RPE: variants seen among roughly 807,000 people sequenced by gnomAD.
RPE encodes ribulose-phosphate 3-epimerase.
In RPE, 16 loss-of-function variants were observed where a neutral mutation model predicts 24.6. The ratio of observed to expected loss-of-function variants is 0.65; its 90% confidence interval spans 0.44 to 0.99. The LOEUF is 0.99. RPE is among the 50% of genes least tolerant of loss of function. The probability of loss-of-function intolerance (pLI) is 0.00; values close to 1 mark genes in which losing one functional copy is unlikely to be tolerated. For missense variants in RPE, 240 were observed against 294.5 expected (o/e 0.81, Z 1.35); for synonymous variants, 93 against 98.4 (o/e 0.94, Z 0.33).
chr2:210,008,292 G>GTTTGT (rs1559475990), intron 1 of RPE, among the ~76,000 whole-genome samples: 1 of 128,888 alleles, frequency 7.8e-6, no homozygotes, highest in African/African-American at 3.0e-5. Flanking sequence ...GTTTGTTTTT[G>GTTTGT]TTTTTTTTTT....
Position 210,008,444 on chromosome 2 carries a change from C to T in RPE, c.123-1213C>T, listed in dbSNP as rs569394249. On this transcript the variant is annotated intron_variant, in intron 1 of 5. Coordinates refer to ENST00000359429, the MANE Select transcript of RPE (RefSeq NM_199229.3). ...CTGAGTATCTGGGATTATAGACGCA[C>T]GCCACCACACCCAGCTAATTTTTAT... 7.9e-4 allele frequency among the ~76,000 whole-genome samples: 120 copies of T among 151,292 alleles called. No individual in the cohort carries two copies. The South Asian group carries it at 0.023, about 30-fold the overall frequency.
intron 1 of RPE, 148 bp from the exon 2 acceptor site, chr2:210,009,509 A>T: frequency 9.6e-7 from 1 of 1,045,086 alleles, no homozygotes; most frequent in Non-Finnish European, 1.4e-6. Context: ...ATGACCCATT[A>T]TTTTTAGTAT....
intron 1 of RPE, among the ~76,000 whole-genome samples, chr2:210,008,896 ATGT>A (rs2093666022): frequency 6.6e-6 from 1 of 151,992 alleles, no homozygotes; most frequent in Non-Finnish European, 1.5e-5. Flanking sequence ...GGGTTTCACT[ATGT>A]TGGCCAGGCT....
rs1456812421 is a variant in RPE at position 210,019,930 on chromosome 2, T to C, written c.*139T>C. 5 of 1,159,256 alleles carry C rather than the reference T, an allele frequency of 4.3e-6. No homozygotes were observed. Among genetic ancestry groups the C allele is most frequent in the African/African-American group, 3.1e-5 (2 of 63,832 alleles). The allele number at this position is 1,159,256 out of a possible 1,614,324, so 71.8% of individuals were successfully genotyped here. On this transcript the variant is annotated 3_prime_UTR_variant, in exon 6 of 6. Transcript: ENST00000359429. ...ATTCATTCCAGTGATTAAAACTGAT[T>C]GTGCAGAATATTCTAAGAGGTCAGA...
At chr2:210,003,626 T>C (rs959923099) in intron 1 of RPE, among the ~76,000 whole-genome samples, 3 of 152,154 alleles carry the variant, frequency 2.0e-5, no homozygotes, top group Non-Finnish European at 4.4e-5. Context: ...GCAACTTGGC[T>C]CTTCCTAGGT....
chr2:210,018,351 T>G, intron 5 of RPE: 1 of 1,402,706 alleles, frequency 7.1e-7, no homozygotes, highest in East Asian at 2.7e-5. Context: ...AATCTAGGCC[T>G]GATACCTCTT....
chr2:210,009,578 C>G (rs2093674448), intron 1 of RPE, 79 bp from the exon 2 acceptor site: 1 of 1,547,832 alleles, frequency 6.5e-7, no homozygotes, highest in South Asian at 1.1e-5. Context: ...TCCCCTCAAC[C>G]TGTGTCAGAA....
chr2:210,006,420 A>G (rs1241813227), intron 1 of RPE, among the ~76,000 whole-genome samples: 2 of 152,130 alleles, frequency 1.3e-5, no homozygotes, highest in Admixed American at 1.3e-4. Flanking sequence ...TTTTGAGACT[A>G]CTGATGCATT....
At chr2:210,018,406 T>A in intron 5 of RPE, 4 of 985,142 alleles carry the variant, frequency 4.1e-6, no homozygotes, top group Non-Finnish European at 3.6e-6. Context: ...CTTTTTTTTT[T>A]TTTTCAGATA....
At chr2:210,010,716 A>G (rs960106313) in intron 2 of RPE, among the ~76,000 whole-genome samples, 1 of 152,198 alleles carries the variant, frequency 6.6e-6, no homozygotes, top group Admixed American at 6.5e-5. Flanking sequence ...ACTTAAGTTC[A>G]TGACCAGAAT....
At chr2:210,019,309 T>C (rs2093824546) in intron 5 of RPE, among the ~76,000 whole-genome samples, 1 of 152,222 alleles carries the variant, frequency 6.6e-6, no homozygotes, top group Non-Finnish European at 1.5e-5. Flanking sequence ...TAAAAGTGTT[T>C]TTTTAGTAAC....
chr2:210,004,601 A>G (rs1202691502), intron 1 of RPE, among the ~76,000 whole-genome samples: 1 of 152,202 alleles, frequency 6.6e-6, no homozygotes. Context: ...TTGTGTATTT[A>G]TTTCTGTTAA....
intron 2 of RPE, among the ~76,000 whole-genome samples, chr2:210,010,974 A>G (rs1456881506): frequency 6.6e-6 from 1 of 152,170 alleles, no homozygotes; most frequent in Non-Finnish European, 1.5e-5. Flanking sequence ...TCGGTTTCTT[A>G]TTCACGTTAA....
intron 1 of RPE, among the ~76,000 whole-genome samples, chr2:210,005,690 C>T (rs1435515812): frequency 1.3e-5 from 2 of 151,820 alleles, no homozygotes; most frequent in African/African-American, 4.8e-5. Flanking sequence ...TACCAGGTGA[C>T]ATGCGCTGGA....
At chr2:210,016,747 G>A (rs901746261) in intron 4 of RPE, 106 bp downstream of exon 4, 34 of 1,474,100 alleles carry the variant, frequency 2.3e-5, no homozygotes, top group Admixed American at 5.7e-5. Flanking sequence ...CTGAAGGTGA[G>A]GAGATGGGGA....
At chr2:210,008,071 A>G (rs960809492) in intron 1 of RPE, among the ~76,000 whole-genome samples, 2 of 152,190 alleles carry the variant, frequency 1.3e-5, no homozygotes, top group African/African-American at 4.8e-5. Flanking sequence ...GTAAAGTCAC[A>G]TGGGCCACTT....
At chr2:210,003,392 T>G in intron 1 of RPE, 1 of 1,153,070 alleles carries the variant, frequency 8.7e-7, no homozygotes. Flanking sequence ...AATTGTTAAT[T>G]ACATCATTAT....
intron 1 of RPE, 153 bp from the exon 2 acceptor site, chr2:210,009,504 C>T: frequency 1.0e-6 from 1 of 976,858 alleles, no homozygotes; most frequent in Non-Finnish European, 1.5e-6. Context: ...CCAAAATGAC[C>T]CATTATTTTT....
At chr2:210,009,171 G>T (rs1437959004) in intron 1 of RPE, among the ~76,000 whole-genome samples, 1 of 152,192 alleles carries the variant, frequency 6.6e-6, no homozygotes, top group South Asian at 2.1e-4. Flanking sequence ...GTGAAAGGTG[G>T]TCGTTACTAA....
Sources: gnomAD v4.1 joint callset for allele counts (sites outside exome capture counted in the v4.1 genomes callset) on GRCh38, gnomAD v4.1.1 for gene constraint, MANE v1.5 for transcripts, NCBI Gene and HGNC (gene_info 2026-07-23, HGNC 2026-07-21) for gene names.